MYRFL: variants seen among roughly 807,000 people sequenced by gnomAD.
MYRFL encodes myelin regulatory factor like.
Under a neutral mutation model 109.4 loss-of-function variants are expected in MYRFL, and 88 were observed. That is an observed-to-expected ratio of 0.80 (90% CI 0.68 to 0.96). The LOEUF (loss-of-function observed/expected upper bound fraction) is 0.96. Ranked by LOEUF, MYRFL falls within the 40% of genes least tolerant of loss-of-function variation. The probability of loss-of-function intolerance (pLI) is 0.00; values close to 1 mark genes in which losing one functional copy is unlikely to be tolerated. For synonymous variants in MYRFL, 324 were observed against 320.9 expected, an observed-to-expected ratio of 1.01 and a Z score of -0.10; for missense variants, 957 against 954.9, an observed-to-expected ratio of 1.00 and a Z score of -0.03.
intron 13 of MYRFL, among the ~76,000 whole-genome samples, chr12:69,914,266 C>CT (rs1228951429): frequency 1.3e-5 from 2 of 151,742 alleles, no homozygotes; most frequent in Non-Finnish European, 2.9e-5. Flanking sequence ...TTTAGAGGTC[C>CT]TTTTTTTGAA....
At chr12:69,936,084 T>G (rs1011241659) in intron 16 of MYRFL, 29 bp from the exon 17 acceptor site, 20 of 1,212,156 alleles carry the variant, frequency 1.6e-5, no homozygotes, top group East Asian at 8.8e-5. Context: ...TAATGTTTTT[T>G]TTTTTTTTTT....
intron 7 of MYRFL, among the ~76,000 whole-genome samples, chr12:69,892,269 A>G (rs961148955): frequency 7.9e-5 from 12 of 152,328 alleles, no homozygotes; most frequent in South Asian, 6.2e-4. Flanking sequence ...CAATTCATCC[A>G]AGGTAGTAAA....
intron 5 of MYRFL, among the ~76,000 whole-genome samples, chr12:69,884,057 A>G (rs1049090075): frequency 6.6e-6 from 1 of 152,220 alleles, no homozygotes; most frequent in African/African-American, 2.4e-5. Flanking sequence ...CAGGGCTCAA[A>G]GCATCCTATA....
chr12:69,854,115 C>A (rs562619224), intron 1 of MYRFL, among the ~76,000 whole-genome samples: 1 of 152,200 alleles, frequency 6.6e-6, no homozygotes, highest in Non-Finnish European at 1.5e-5. Context: ...GAGGCCGAGG[C>A]GGGCAGATCA....
At position 69,879,150 on chromosome 12, in the gene MYRFL, C is replaced by CGGGCGCA. The variant is rs749082631; in HGVS notation, c.206-45_206-44insGGGCGCA. 8 of 702,748 alleles carry CGGGCGCA rather than the reference C, an allele frequency of 1.1e-5. No individual in the cohort carries two copies. The Admixed American group carries it at 1.6e-4, about 14-fold the overall frequency. 43.5% of individuals were successfully genotyped at this position (702,748 alleles called of 1,614,324 possible). A position where few individuals can be genotyped will look rare whatever the true frequency, so the allele number is the denominator to read the frequency against. On this transcript the variant is annotated intron_variant, in intron 3 of 24. Transcript: ENST00000552032. Reference sequence around the variant, plus strand: ...GCACTGTTGCTCTTCCTCCTCGACTCTGGGCCGTGAGAAAGGGGCACTTCC... The same window carrying CGGGCGCA: ...GCACTGTTGCTCTTCCTCCTCGACTCGGGCGCATGGGCCGTGAGAAAGGGGCACTTCC...
chr12:69,930,896 A>G (rs879352098), intron 15 of MYRFL, among the ~76,000 whole-genome samples: 1 of 152,074 alleles, frequency 6.6e-6, no homozygotes, highest in South Asian at 2.1e-4. Context: ...CCCTCCCCCA[A>G]ATAAAACCTA....
chr12:69,932,166 ACAT>A (rs67350994), intron 15 of MYRFL, among the ~76,000 whole-genome samples: 39,405 of 151,854 alleles, frequency 0.26, 5,293 homozygotes, highest in Non-Finnish European at 0.31. Flanking sequence ...AAAGAGATGC[ACAT>A]CATCTGTGGT....
rs1244781561 is a variant in MYRFL at position 69,895,400 on chromosome 12, A to G, written c.1010A>G (p.Lys337Arg). 18 of 1,535,624 alleles carry G rather than the reference A, an allele frequency of 1.2e-5. No individual in the cohort carries two copies. Among genetic ancestry groups the G allele is most frequent in the Non-Finnish European group, 1.5e-5 (17 of 1,146,664 alleles). Residue 337 changes from lysine to arginine, a missense_variant, in exon 9 of 25, where the codon AAA (lysine) becomes AGA (arginine). Lys to Arg is a conservative substitution (Grantham distance 26). Coordinates refer to ENST00000552032, the MANE Select transcript of MYRFL (RefSeq NM_182530.3). ...KIDLLADQVTKVTLGRLHFSE... is the reference protein window; with the variant it reads ...KIDLLADQVTRVTLGRLHFSE... ...GACCTACTGGCTGACCAGGTCACCA[A>G]AGTAACACTGGGACGATTACACTTC...
intron 2 of MYRFL, among the ~76,000 whole-genome samples, chr12:69,864,770 A>G (rs1884915519): frequency 6.6e-6 from 1 of 151,992 alleles, no homozygotes; most frequent in Non-Finnish European, 1.5e-5. Context: ...CTGAACTCAG[A>G]TCCTAATTGC....
chr12:69,876,570 G>A (rs1035608278), intron 2 of MYRFL, among the ~76,000 whole-genome samples: 1 of 152,080 alleles, frequency 6.6e-6, no homozygotes, highest in African/African-American at 2.4e-5. Flanking sequence ...TTCTCAAAAT[G>A]TCTGGTCCTT....
chr12:69,951,423 C>CTTTT (rs11310328), intron 19 of MYRFL, among the ~76,000 whole-genome samples: 4 of 89,198 alleles, frequency 4.5e-5, no homozygotes, highest in Non-Finnish European at 6.6e-5. Flanking sequence ...TCCTAACCTG[C>CTTTT]TTTTTTTTTT....
intron 13 of MYRFL, among the ~76,000 whole-genome samples, chr12:69,913,705 A>G (rs1317901817): frequency 6.6e-6 from 1 of 152,166 alleles, no homozygotes; most frequent in African/African-American, 2.4e-5. Flanking sequence ...CTAACTCTGT[A>G]GTAAGTTTTG....
intron 5 of MYRFL, among the ~76,000 whole-genome samples, chr12:69,884,338 C>T (rs1886317972): frequency 1.3e-5 from 2 of 152,180 alleles, no homozygotes; most frequent in South Asian, 4.1e-4. Flanking sequence ...CAGTGTGGGC[C>T]TGTAATTCCA....
At chr12:69,941,667 C>T (rs1244663121) in intron 19 of MYRFL, among the ~76,000 whole-genome samples, 2 of 137,742 alleles carry the variant, frequency 1.5e-5, no homozygotes, top group South Asian at 2.4e-4. Flanking sequence ...TAGCAGAAGG[C>T]AAGAAATAAC....
chr12:69,854,338 G>T, intron 1 of MYRFL, among the ~76,000 whole-genome samples: 1 of 139,982 alleles, frequency 7.1e-6, no homozygotes, highest in Non-Finnish European at 1.6e-5. Context: ...GACCGTGGAG[G>T]GGGAGGGGGA....
chr12:69,828,312 G>A (rs1882412873), intron 1 of MYRFL, among the ~76,000 whole-genome samples: 1 of 151,992 alleles, frequency 6.6e-6, no homozygotes, highest in South Asian at 2.1e-4. Context: ...ATATGTTCTT[G>A]GGGGATCAAT....
intron 6 of MYRFL, among the ~76,000 whole-genome samples, chr12:69,889,449 T>C (rs563062785): frequency 1.9e-4 from 29 of 152,158 alleles, no homozygotes; most frequent in Non-Finnish European, 3.7e-4. Context: ...TATTTCTGAT[T>C]TGGGAACTTT....
chr12:69,825,692 A>G (rs1882231893), intron 1 of MYRFL, 129 bp downstream of exon 1: 1 of 621,762 alleles, frequency 1.6e-6, no homozygotes, highest in African/African-American at 1.8e-5. Context: ...AACTCTCCTA[A>G]TATCAAAAGT....
Position 69,909,970 on chromosome 12 carries a change from T to C in MYRFL, c.1385T>C (p.Val462Ala). Reference protein sequence around the residue: ...DSRAKQNIQEVDTNEQLKRIA... With the variant: ...DSRAKQNIQEADTNEQLKRIA... ...TCTGCTCTTCTTTAATTAAATTAGG[T>C]TGACACGAATGAACAGCTGAAAAGA... The change falls in exon 12 of 25, where the codon GTT (valine) becomes GCT (alanine). Residue 462 changes from valine (V) to alanine (A), a missense_variant and splice_region_variant. Transcript: ENST00000552032. The C allele has an allele frequency of 6.6e-7, 1 of 1,522,580 alleles. No homozygotes were observed. Among genetic ancestry groups the C allele is most frequent in the African/African-American group, 1.4e-5 (1 of 72,358 alleles). 94.3% of individuals were successfully genotyped at this position (1,522,580 alleles called of 1,614,324 possible).
Sources: gnomAD v4.1 joint callset for allele counts (sites outside exome capture counted in the v4.1 genomes callset) on GRCh38, gnomAD v4.1.1 for gene constraint, MANE v1.5 for transcripts, NCBI Gene and HGNC (gene_info 2026-07-23, HGNC 2026-07-21) for gene names.